The following KCND2 variants were observed in gnomAD, a reference collection of about 807,000 sequenced individuals.
KCND2 encodes the protein potassium voltage-gated channel subfamily D member 2.
In KCND2, 16 loss-of-function variants were observed where a neutral mutation model predicts 54.4. The observed-to-expected ratio is 0.29, with a 90% confidence interval of 0.20 to 0.45. The LOEUF is 0.45. KCND2 is among the 20% of genes least tolerant of loss of function. The probability of loss-of-function intolerance (pLI) is 1.00; values close to 1 mark genes in which losing one functional copy is unlikely to be tolerated. For missense variants in KCND2, 486 were observed against 824.2 expected, an observed-to-expected ratio of 0.59 and a Z score of 5.02; for synonymous variants, 317 against 310.7, an observed-to-expected ratio of 1.02 and a Z score of -0.21.
chr7:120,425,500 G>A (rs57417999), intron 1 of KCND2, among the ~76,000 whole-genome samples: 4,025 of 152,260 alleles, frequency 0.026, 161 homozygotes, highest in African/African-American at 0.088. Flanking sequence ...TTCTGCCTTC[G>A]TGGTGACTCC....
intron 1 of KCND2, among the ~76,000 whole-genome samples, chr7:120,335,184 G>A (rs1277305443): frequency 6.6e-6 from 1 of 151,878 alleles, no homozygotes; most frequent in Non-Finnish European, 1.5e-5. Flanking sequence ...GCAACATGGT[G>A]AAACCCCGTC....
intron 1 of KCND2, among the ~76,000 whole-genome samples, chr7:120,622,120 G>C (rs1176830671): frequency 6.6e-6 from 1 of 151,928 alleles, no homozygotes; most frequent in Non-Finnish European, 1.5e-5. Context: ...TATGGAAAAG[G>C]AGAATGTCAC....
chr7:120,570,430 A>C (rs78038438), intron 1 of KCND2, among the ~76,000 whole-genome samples: 4 of 151,844 alleles, frequency 2.6e-5, no homozygotes, highest in East Asian at 3.9e-4. Flanking sequence ...AAAAAAAAAA[A>C]CAGCTTGTGA....
intron 1 of KCND2, among the ~76,000 whole-genome samples, chr7:120,595,460 A>AAAAT (rs1418247126): frequency 2.1e-4 from 24 of 112,958 alleles, no homozygotes; most frequent in Non-Finnish European, 3.2e-4. Context: ...CCAAAAAAAA[A>AAAAT]ATATATATAT....
intron 1 of KCND2, among the ~76,000 whole-genome samples, chr7:120,287,240 C>T (rs1251435731): frequency 2.0e-5 from 3 of 151,868 alleles, no homozygotes; most frequent in African/African-American, 7.3e-5. Flanking sequence ...AAGGTGTTTT[C>T]GTAAGAAATA....
Position 120,736,110 on chromosome 7 carries a change from T to C in KCND2, c.1278+3045T>C, listed in dbSNP as rs1204453174. ...TAATAAAAGTAATATTACAAAATGGTTTGTTAGACCATATTTTTGGTGTTT... is the reference window on the plus strand; with the variant it reads ...TAATAAAAGTAATATTACAAAATGGCTTGTTAGACCATATTTTTGGTGTTT... On this transcript the variant is annotated intron_variant, in intron 2 of 5. Coordinates refer to ENST00000331113, the MANE Select transcript of KCND2 (RefSeq NM_012281.3). Among the ~76,000 whole-genome samples the C allele has an allele frequency of 3.9e-5, 6 of 152,062 alleles. No homozygotes were observed. The East Asian group carries it at 1.2e-3, about 29-fold the overall frequency.
chr7:120,716,732 C>A (rs1250579172), intron 1 of KCND2, among the ~76,000 whole-genome samples: 1 of 152,078 alleles, frequency 6.6e-6, no homozygotes, highest in African/African-American at 2.4e-5. Context: ...GCTCTTCAGT[C>A]TCTCCCAATT....
chr7:120,584,285 T>A (rs1584840571), intron 1 of KCND2, among the ~76,000 whole-genome samples: 1 of 152,188 alleles, frequency 6.6e-6, no homozygotes, highest in East Asian at 1.9e-4. Context: ...TAGGCCTGGG[T>A]CATTTATTGA....
At chr7:120,343,069 A>C (rs1800265283) in intron 1 of KCND2, among the ~76,000 whole-genome samples, 1 of 152,160 alleles carries the variant, frequency 6.6e-6, no homozygotes, top group Non-Finnish European at 1.5e-5. Flanking sequence ...TGGCCATTCA[A>C]AAAGTACAAA....
intron 1 of KCND2, among the ~76,000 whole-genome samples, chr7:120,530,485 T>C (rs945840317): frequency 1.3e-5 from 2 of 152,180 alleles, no homozygotes; most frequent in Non-Finnish European, 2.9e-5. Context: ...TCTAACATTG[T>C]CATTGCTTCC....
chr7:120,478,468 C>A (rs1802561044), intron 1 of KCND2, among the ~76,000 whole-genome samples: 1 of 152,088 alleles, frequency 6.6e-6, no homozygotes, highest in South Asian at 2.1e-4. Context: ...TGGAACCAAG[C>A]ACTGCTAGTA....
intron 1 of KCND2, among the ~76,000 whole-genome samples, chr7:120,288,742 G>A (rs1205162543): frequency 6.6e-6 from 1 of 152,060 alleles, no homozygotes; most frequent in Non-Finnish European, 1.5e-5. Context: ...GTGGTTACAG[G>A]ATTTTTGAAC....
At chr7:120,677,177 A>G (rs1283614218) in intron 1 of KCND2, among the ~76,000 whole-genome samples, 1 of 152,188 alleles carries the variant, frequency 6.6e-6, no homozygotes, top group African/African-American at 2.4e-5. Flanking sequence ...GGCAAGAATC[A>G]CAAGTAAAGG....
intron 1 of KCND2, among the ~76,000 whole-genome samples, chr7:120,567,585 A>G (rs944508420): frequency 6.6e-6 from 1 of 152,178 alleles, no homozygotes; most frequent in Non-Finnish European, 1.5e-5. Context: ...GCAATCACCT[A>G]TTTTTATATG....
At chr7:120,530,694 A>G (rs923342913) in intron 1 of KCND2, among the ~76,000 whole-genome samples, 1 of 152,002 alleles carries the variant, frequency 6.6e-6, no homozygotes, top group Admixed American at 6.6e-5. Context: ...CCAAAACTTT[A>G]TTTTTTGTAT....
intron 1 of KCND2, among the ~76,000 whole-genome samples, chr7:120,319,915 T>G (rs1235148233): frequency 1.3e-5 from 2 of 152,138 alleles, no homozygotes; most frequent in Non-Finnish European, 2.9e-5. Flanking sequence ...TTTGTTCTTC[T>G]TTAACATGCA....
At chr7:120,492,099 CAA>C (rs1562853990) in intron 1 of KCND2, among the ~76,000 whole-genome samples, 1 of 152,026 alleles carries the variant, frequency 6.6e-6, no homozygotes, top group Admixed American at 6.6e-5. Flanking sequence ...GGCCATCAAT[CAA>C]AAGAAAGTAA....
intron 1 of KCND2, among the ~76,000 whole-genome samples, chr7:120,356,322 T>C (rs1311469649): frequency 2.0e-5 from 3 of 152,180 alleles, no homozygotes; most frequent in African/African-American, 7.2e-5. Context: ...TAGGTATGCC[T>C]TTAACATCAT....
rs546145206 is a variant in KCND2 at position 120,689,193 on chromosome 7, C to T, written c.1116-43710C>T. On this transcript the variant is annotated intron_variant, in intron 1 of 5. Coordinates refer to ENST00000331113, the MANE Select transcript of KCND2 (RefSeq NM_012281.3). The stretch of plus-strand genomic sequence containing the variant: ...GATATTCACTTCCAATATCACATTG[C>T]ATTTTTAGTTTCTGGACACGAAAAA... 2.0e-5 allele frequency among the ~76,000 whole-genome samples: 3 copies of T among 152,182 alleles called. No individual in the cohort carries two copies. In the South Asian group the frequency reaches 6.2e-4, roughly 32 times the overall value.
Sources: allele counts gnomAD v4.1 joint callset (sites outside exome capture counted in the v4.1 genomes callset), GRCh38; gene constraint gnomAD v4.1.1; transcripts MANE v1.5; gene names NCBI Gene and HGNC (gene_info 2026-07-23, HGNC 2026-07-21).